The following MRPL30 variants were observed in gnomAD, a reference collection of about 807,000 sequenced individuals.
The protein encoded by MRPL30 is mitochondrial ribosomal protein L30.
A neutral mutation model predicts 17.2 loss-of-function variants in MRPL30; 10 were observed. That is an observed-to-expected ratio of 0.58 (90% CI 0.36 to 0.99). The LOEUF (loss-of-function observed/expected upper bound fraction) is 0.99. Ranked by LOEUF, MRPL30 falls within the 50% of genes least tolerant of loss-of-function variation. MRPL30 has a pLI of 0.01. For missense variants in MRPL30, 170 were observed against 189.8 expected (o/e 0.90, Z 0.61); for synonymous variants, 61 against 62.1 (o/e 0.98, Z 0.08).
rs557371270 is a variant in MRPL30, at chr2:99,197,375, T to G, written c.*1670T>G. On this transcript the variant is annotated 3_prime_UTR_variant, in exon 6 of 6. Transcript: ENST00000338148. ...ATCTTAATGTTTTTGATCGTTGCGT[T>G]AAAGTGGAAGTGCCACCCACAGTGA... 6.6e-6 allele frequency: 1 copy of G among 152,316 alleles called. No homozygotes were observed. The highest frequency in any genetic ancestry group is 2.1e-4 in the South Asian group (1 of 4,832). 9.4% of individuals were successfully genotyped at this position (152,316 alleles called of 1,614,324 possible). A position where few individuals can be genotyped will look rare whatever the true frequency, so the allele number is the denominator to read the frequency against.
chr2:99,189,453 T>C (rs949493463), intron 3 of MRPL30, among the ~76,000 whole-genome samples: 4 of 152,368 alleles, frequency 2.6e-5, no homozygotes, highest in Admixed American at 2.6e-4. Context: ...GGTTCCTCCA[T>C]GTCTTTTTGT....
intron 1 of MRPL30, among the ~76,000 whole-genome samples, chr2:99,185,105 A>G (rs1307490347): frequency 6.6e-6 from 1 of 152,142 alleles, no homozygotes; most frequent in East Asian, 1.9e-4. Flanking sequence ...AGGAGCGTGA[A>G]CGCTACTGTG....
In MRPL30 at chr2:99,198,226, A is replaced by G. The variant is rs1179241495; in HGVS notation, c.*2521A>G. Among the ~76,000 whole-genome samples, 3 of 152,202 alleles carry G rather than the reference A, an allele frequency of 2.0e-5. No homozygotes were observed. The highest frequency in any genetic ancestry group is 4.8e-5 in the African/African-American group (2 of 41,448). On this transcript the variant is annotated 3_prime_UTR_variant, in exon 6 of 6. Transcript: ENST00000338148. ...AACAACACACACTTATTGTCTCACA[A>G]TGTTTGTGGGTCGGAAGTCTAGGCG...
At chr2:99,188,139 A>C in intron 2 of MRPL30, 38 bp from the exon 3 acceptor site, 1 of 1,470,084 alleles carries the variant, frequency 6.8e-7, no homozygotes. Context: ...CTCTACTGAC[A>C]GAATTCTAAA....
intron 1 of MRPL30, among the ~76,000 whole-genome samples, chr2:99,184,349 T>C (rs957322482): frequency 1.1e-4 from 17 of 152,218 alleles, no homozygotes; most frequent in Admixed American, 6.5e-5. Context: ...CACTGAGTGC[T>C]AGTGCTTTAA....
chr2:99,191,543 T>C (rs559654047), intron 3 of MRPL30, among the ~76,000 whole-genome samples: 3 of 152,308 alleles, frequency 2.0e-5, no homozygotes, highest in Admixed American at 6.5e-5. Context: ...AAGCTCAGCC[T>C]CCCTCTTCTT....
chr2:99,188,298 TA>T (rs1559189573), intron 3 of MRPL30, 41 bp downstream of exon 3: 2 of 1,474,816 alleles, frequency 1.4e-6, no homozygotes. Flanking sequence ...AGTGTTGTTT[TA>T]AAAAATGTTT....
In MRPL30 at chr2:99,182,960, G is replaced by A. The variant is rs1171968573; in HGVS notation, c.-28+1711G>A. Among the ~76,000 whole-genome samples, 5 of 152,186 alleles carry A rather than the reference G, an allele frequency of 3.3e-5. No homozygotes were observed. The East Asian group carries it at 9.6e-4, about 29-fold the overall frequency. On this transcript the variant is annotated intron_variant, in intron 1 of 5. Transcript: ENST00000338148. Reference sequence around the variant, plus strand: ...CGTTAGAAGATAAGCACGATAGAAAGCAGTGAAGAGGAATTGGGAGTGTTG... The same window carrying A: ...CGTTAGAAGATAAGCACGATAGAAAACAGTGAAGAGGAATTGGGAGTGTTG...
chr2:99,194,601 A>G, intron 3 of MRPL30, 150 bp from the exon 4 acceptor site: 1 of 666,496 alleles, frequency 1.5e-6, no homozygotes, highest in South Asian at 2.3e-5. Context: ...ATTGATAGAA[A>G]TGTTCAATCT....
intron 2 of MRPL30, among the ~76,000 whole-genome samples, chr2:99,187,492 GCCTCCCA>G (rs2093935886): frequency 1.3e-5 from 2 of 152,192 alleles, no homozygotes; most frequent in African/African-American, 2.4e-5. Context: ...GCCAAATTCA[GCCTCCCA>G]CCTATTTTTG....
intron 3 of MRPL30, among the ~76,000 whole-genome samples, chr2:99,191,152 A>G (rs551671394): frequency 2.0e-5 from 3 of 152,068 alleles, no homozygotes; most frequent in Non-Finnish European, 4.4e-5. Flanking sequence ...GATTACAGGC[A>G]TGTGCCACCA....
intron 3 of MRPL30, among the ~76,000 whole-genome samples, chr2:99,191,793 ATTT>A (rs746525584): frequency 6.6e-6 from 1 of 152,106 alleles, no homozygotes; most frequent in Non-Finnish European, 1.5e-5. Context: ...CCCAGCGGTA[ATTT>A]CTAAAGGCTC....
rs1395056474 is a variant in MRPL30, at chr2:99,196,231, G to C, written c.*526G>C. Reference sequence around the variant, plus strand: ...AAAACATGTAAGAATGGCAATGTTTGAACATCTGCGTTTGGGTCTACTGCC... The same window carrying C: ...AAAACATGTAAGAATGGCAATGTTTCAACATCTGCGTTTGGGTCTACTGCC... On this transcript the variant is annotated 3_prime_UTR_variant, in exon 6 of 6. Coordinates refer to ENST00000338148, the MANE Select transcript of MRPL30 (RefSeq NM_145212.4). 1.3e-5 allele frequency: 2 copies of C among 155,500 alleles called. No individual in the cohort carries two copies. Among genetic ancestry groups the C allele is most frequent in the Admixed American group, 1.3e-4 (2 of 15,292 alleles). 9.6% of individuals were successfully genotyped at this position (155,500 alleles called of 1,614,324 possible). A position where few individuals can be genotyped will look rare whatever the true frequency, so the allele number is the denominator to read the frequency against.
At chr2:99,194,018 A>T (rs1032932285) in intron 3 of MRPL30, among the ~76,000 whole-genome samples, 6 of 148,478 alleles carry the variant, frequency 4.0e-5, no homozygotes, top group Non-Finnish European at 8.9e-5. Context: ...AGCCTGGGCG[A>T]TAGAGCAAGA....
intron 1 of MRPL30, among the ~76,000 whole-genome samples, chr2:99,181,688 G>A (rs1326435476): frequency 6.6e-6 from 1 of 151,878 alleles, no homozygotes; most frequent in Non-Finnish European, 1.5e-5. Flanking sequence ...AGAGTTGGCA[G>A]TTAGAATATT....
chr2:99,186,057 A>G lies in MRPL30; in HGVS notation c.-27-120A>G, dbSNP rs944184468. On this transcript the variant is annotated intron_variant, in intron 1 of 5. Coordinates refer to ENST00000338148, the MANE Select transcript of MRPL30 (RefSeq NM_145212.4). ...TGCCCTTATTATATTAAAATAACCA[A>G]TAATTTTACTGTTAAGTTTACAATT... 1.3e-5 allele frequency: 8 copies of G among 635,382 alleles called. No individual in the cohort carries two copies. In the African/African-American group the frequency reaches 1.3e-4, roughly 10 times the overall value. The allele number at this position is 635,382 out of a possible 1,614,324, so 39.4% of individuals were successfully genotyped here.
rs990269944 is a variant in MRPL30 at position 99,195,424 on chromosome 2, A to T, written c.354-149A>T. ...GTAATTGGCATATCCATCATCTCAG[A>T]CATTTACCATTTCTTCATGTTGGGA... On this transcript the variant is annotated intron_variant, in intron 5 of 5. Transcript: ENST00000338148. 4 of 990,224 alleles carry T rather than the reference A, an allele frequency of 4.0e-6. No individual in the cohort carries two copies. In the African/African-American group the frequency reaches 6.6e-5, roughly 16 times the overall value. The allele number at this position is 990,224 out of a possible 1,614,324, so 61.3% of individuals were successfully genotyped here.
At position 99,198,185 on chromosome 2, in the gene MRPL30, A is replaced by T. The variant is rs1046820302; in HGVS notation, c.*2480A>T. ...CTATTGCTGCAGAACAAATTACCAC[A>T]AACTTAGCTGCTTAAAACAACACAC... On this transcript the variant is annotated 3_prime_UTR_variant, in exon 6 of 6. Coordinates refer to ENST00000338148, the MANE Select transcript of MRPL30 (RefSeq NM_145212.4). 5.9e-5 allele frequency among the ~76,000 whole-genome samples: 9 copies of T among 152,220 alleles called. No individual in the cohort carries two copies. The highest frequency in any genetic ancestry group is 2.9e-5 in the Non-Finnish European group (2 of 68,038).
chr2:99,193,803 C>A (rs2093950818), intron 3 of MRPL30, among the ~76,000 whole-genome samples: 1 of 152,022 alleles, frequency 6.6e-6, no homozygotes, highest in Admixed American at 6.6e-5. Context: ...CTTTGGGAGG[C>A]CAAGGCGGGC....
Sources: allele counts gnomAD v4.1 joint callset (sites outside exome capture counted in the v4.1 genomes callset), GRCh38; gene constraint gnomAD v4.1.1; transcripts MANE v1.5; gene names NCBI Gene and HGNC (gene_info 2026-07-23, HGNC 2026-07-21).